The following VAC14 variants were observed in gnomAD, a reference collection of about 807,000 sequenced individuals.
VAC14 encodes the protein protein VAC14 homolog.
A neutral mutation model predicts 85.3 loss-of-function variants in VAC14; 47 were observed. The observed-to-expected ratio is 0.55, with a 90% CI of 0.44 to 0.70. The LOEUF (loss-of-function observed/expected upper bound fraction) is 0.70. VAC14 is among the 30% of genes least tolerant of loss of function. The pLI, the probability that VAC14 is intolerant of heterozygous loss-of-function variation, is 0.00. For synonymous variants in VAC14, 447 were observed against 430.5 expected (o/e 1.04, Z -0.47); for missense variants, 861 against 1,004.3 (o/e 0.86, Z 1.93).
chr16:70,719,508 C>T lies in VAC14; in HGVS notation c.1661+11987G>A, dbSNP rs186571892. On this transcript the variant is annotated intron_variant, in intron 14 of 18. Transcript: ENST00000261776. Reference sequence around the variant, plus strand: ...GAGAAAGACTCAGATTCAGAATATACAAAGGACTTCCACAAATCAATAAGA... The same window carrying T: ...GAGAAAGACTCAGATTCAGAATATATAAAGGACTTCCACAAATCAATAAGA... 4.1e-3 allele frequency among the ~76,000 whole-genome samples: 630 copies of T among 152,146 alleles called. 3 individuals carry two copies. The highest frequency in any genetic ancestry group is 6.3e-3 in the Non-Finnish European group (428 of 68,000).
chr16:70,737,417 C>T (rs1034451362), intron 13 of VAC14, among the ~76,000 whole-genome samples: 1 of 152,202 alleles, frequency 6.6e-6, no homozygotes, highest in African/African-American at 2.4e-5. Flanking sequence ...GGCTGTGTGT[C>T]TCGGGAGACA....
intron 12 of VAC14, among the ~76,000 whole-genome samples, chr16:70,746,119 C>T (rs2143013790): frequency 6.6e-6 from 1 of 152,342 alleles, no homozygotes; most frequent in East Asian, 1.9e-4. Context: ...AATGCAAACA[C>T]AGTGCCAGTG....
chr16:70,689,916 G>A (rs1351917733), intron 18 of VAC14: 2 of 985,402 alleles, frequency 2.0e-6, no homozygotes, highest in Admixed American at 1.2e-4. Flanking sequence ...CCTAAGTCCA[G>A]GGTGTGGCCA....
chr16:70,723,147 G>A (rs974637418), intron 14 of VAC14, among the ~76,000 whole-genome samples: 1 of 152,006 alleles, frequency 6.6e-6, no homozygotes, highest in African/African-American at 2.4e-5. Context: ...GCTTGAACCC[G>A]GGGGGTGGAG....
chr16:70,746,194 A>T (rs2030875107), intron 12 of VAC14, among the ~76,000 whole-genome samples: 1 of 150,364 alleles, frequency 6.7e-6, no homozygotes, highest in African/African-American at 2.4e-5. Context: ...CTGGCCGGGA[A>T]CCCCTTTGCT....
chr16:70,745,482 A>AGTGTGT (rs145054065), intron 12 of VAC14, among the ~76,000 whole-genome samples: 7,366 of 143,808 alleles, frequency 0.051, 231 homozygotes, highest in East Asian at 0.12. Context: ...GAGGGGCTTC[A>AGTGTGT]GTGTGTGTGT....
intron 9 of VAC14, among the ~76,000 whole-genome samples, chr16:70,776,136 C>G (rs1170982204): frequency 6.6e-6 from 1 of 152,172 alleles, no homozygotes; most frequent in Non-Finnish European, 1.5e-5. Context: ...AATGGGGTCT[C>G]ATTCTCTCCC....
rs373115178 is a variant in VAC14, at chr16:70,800,868, C to G, written c.33G>C (p.Thr11=). The G allele has an allele frequency of 1.9e-6, 3 of 1,605,162 alleles. No homozygotes were observed. Among genetic ancestry groups the G allele is most frequent in the East Asian group, 2.3e-5 (1 of 43,604 alleles). The change falls in exon 1 of 19, where the codon ACG becomes ACC. Residue 11 remains threonine, a synonymous_variant. Coordinates refer to ENST00000261776, the MANE Select transcript of VAC14 (RefSeq NM_018052.5). MNPEKDFAPL[T]PNIVRALNDK... ...CATTGAGGGCGCGCACGATGTTAGGCGTGAGCGGCGCGAAATCCTTCTCGG... is the reference window on the plus strand; with the variant it reads ...CATTGAGGGCGCGCACGATGTTAGGGGTGAGCGGCGCGAAATCCTTCTCGG...
intron 7 of VAC14, 99 bp downstream of exon 7, chr16:70,782,934 C>T (rs1311367868): frequency 6.4e-6 from 7 of 1,086,266 alleles, no homozygotes; most frequent in Admixed American, 2.0e-5. Flanking sequence ...ATCTCCCCTG[C>T]CCCCTCACTG....
intron 14 of VAC14, among the ~76,000 whole-genome samples, chr16:70,717,558 G>A (rs929093877): frequency 1.2e-4 from 18 of 152,196 alleles, no homozygotes; most frequent in Admixed American, 3.9e-4. Context: ...GCCATGTGCC[G>A]TCCAGAGTCC....
intron 1 of VAC14, among the ~76,000 whole-genome samples, chr16:70,786,729 G>A (rs1021060137): frequency 5.3e-5 from 8 of 152,166 alleles, no homozygotes; most frequent in Admixed American, 1.3e-4. Context: ...GAAATTCTCC[G>A]CGTCTGAGCG....
chr16:70,767,194 A>T (rs900464778), intron 10 of VAC14, among the ~76,000 whole-genome samples: 1 of 152,222 alleles, frequency 6.6e-6, no homozygotes, highest in African/African-American at 2.4e-5. Flanking sequence ...TGCTGTGACT[A>T]TTAAAATATA....
chr16:70,789,439 A>G (rs1028794227), intron 1 of VAC14, among the ~76,000 whole-genome samples: 1 of 152,172 alleles, frequency 6.6e-6, no homozygotes, highest in Non-Finnish European at 1.5e-5. Context: ...TCTGTTAATC[A>G]ACTTATATGC....
At chr16:70,717,490 C>T (rs2054192175) in intron 14 of VAC14, among the ~76,000 whole-genome samples, 1 of 152,192 alleles carries the variant, frequency 6.6e-6, no homozygotes, top group Non-Finnish European at 1.5e-5. Flanking sequence ...TAGATCGGCA[C>T]ACTGAATAGT....
At position 70,687,711 on chromosome 16, in the gene VAC14, T is replaced by G; in HGVS notation, c.*217A>C. 2.3e-6 allele frequency: 1 copy of G among 436,512 alleles called. No homozygotes were observed. Among genetic ancestry groups the G allele is most frequent in the Non-Finnish European group, 3.8e-6 (1 of 262,382 alleles). 27.0% of individuals were successfully genotyped at this position (436,512 alleles called of 1,614,324 possible). A position where few individuals can be genotyped will look rare whatever the true frequency, so the allele number is the denominator to read the frequency against. On this transcript the variant is annotated 3_prime_UTR_variant, in exon 19 of 19. Transcript: ENST00000261776. Reference sequence around the variant, plus strand: ...CCCACTGGGTGGGCAGCCAGCTCTGTGAGAATGCCAGGGTGCAGCTGACAG... The same window carrying G: ...CCCACTGGGTGGGCAGCCAGCTCTGGGAGAATGCCAGGGTGCAGCTGACAG...
intron 1 of VAC14, among the ~76,000 whole-genome samples, chr16:70,797,910 C>T (rs768078807): frequency 2.0e-5 from 3 of 152,144 alleles, no homozygotes; most frequent in Admixed American, 6.5e-5. Flanking sequence ...CCTGAGGCCC[C>T]GCCAGAAGCA....
chr16:70,697,595 A>C (rs2053739909), intron 15 of VAC14, among the ~76,000 whole-genome samples: 1 of 152,128 alleles, frequency 6.6e-6, no homozygotes. Context: ...GTGGTCCCGG[A>C]GCCCCATGGG....
rs777422627 is a variant in VAC14, at chr16:70,784,771, A to G, written c.486+5T>C. 3 of 1,613,890 alleles carry G rather than the reference A, an allele frequency of 1.9e-6. No homozygotes were observed. The highest frequency in any genetic ancestry group is 1.7e-6 in the Non-Finnish European group (2 of 1,179,914). ...GAAATAAAAGTGGGGACAAAGTACA[A>G]ATACCTTTAAAAGGCGGTCTAGGAG... On this transcript the variant is annotated splice_donor_5th_base_variant and intron_variant, in intron 4 of 18. Transcript: ENST00000261776.
chr16:70,714,127 C>T (rs2054098249), intron 14 of VAC14: 1 of 152,218 alleles, frequency 6.6e-6, no homozygotes, highest in Non-Finnish European at 1.5e-5. Context: ...GGGCCTGCGA[C>T]CTTGGGCTGC....
Sources: allele counts gnomAD v4.1 joint callset (sites outside exome capture counted in the v4.1 genomes callset), GRCh38; gene constraint gnomAD v4.1.1; transcripts MANE v1.5; gene names NCBI Gene and HGNC (gene_info 2026-07-23, HGNC 2026-07-21).